Variants in MAGI2 observed in about 807,000 individuals in gnomAD.
MAGI2 encodes the protein membrane associated guanylate kinase, WW and PDZ domain containing 2.
In MAGI2, 35 loss-of-function variants were observed where a neutral mutation model predicts 133.3. The observed-to-expected ratio is 0.26, with a 90% CI of 0.20 to 0.35. The LOEUF is 0.35. Ranked by LOEUF, MAGI2 falls within the 10% of genes least tolerant of loss-of-function variation. The probability of loss-of-function intolerance (pLI) is 1.00; values close to 1 mark genes in which losing one functional copy is unlikely to be tolerated. For synonymous variants in MAGI2, 729 were observed against 710.6 expected, an observed-to-expected ratio of 1.03 and a Z score of -0.41; for missense variants, 1,636 against 1,863.4, an observed-to-expected ratio of 0.88 and a Z score of 2.25.
At chr7:78,612,692 C>CG (rs1421392124) in intron 3 of MAGI2, among the ~76,000 whole-genome samples, 1 of 151,420 alleles carries the variant, frequency 6.6e-6, no homozygotes, top group East Asian at 1.9e-4. Context: ...TTTTTTGAGG[C>CG]GGGGTCTCGC....
chr7:78,420,057 T>C (rs1184892838), intron 6 of MAGI2, among the ~76,000 whole-genome samples: 1 of 152,148 alleles, frequency 6.6e-6, no homozygotes, highest in Non-Finnish European at 1.5e-5. Context: ...ATTCAAACCT[T>C]TTTGAGTTTC....
At chr7:78,963,325 T>A (rs570597763) in intron 2 of MAGI2, among the ~76,000 whole-genome samples, 1 of 152,246 alleles carries the variant, frequency 6.6e-6, no homozygotes, top group East Asian at 1.9e-4. Flanking sequence ...AAGCACTTTA[T>A]CTGGCAAGCT....
chr7:79,199,157 T>G (rs1307725182), intron 1 of MAGI2, among the ~76,000 whole-genome samples: 1 of 152,078 alleles, frequency 6.6e-6, no homozygotes, highest in Non-Finnish European at 1.5e-5. Flanking sequence ...TTATTACATG[T>G]AAAACATTTT....
At chr7:78,088,994 G>A (rs868597108) in intron 20 of MAGI2, among the ~76,000 whole-genome samples, 1 of 152,160 alleles carries the variant, frequency 6.6e-6, no homozygotes, top group Non-Finnish European at 1.5e-5. Context: ...TAAGCTGCTG[G>A]CTTTGAAGAT....
chr7:78,979,527 C>A (rs762104691), intron 2 of MAGI2, among the ~76,000 whole-genome samples: 6 of 151,938 alleles, frequency 3.9e-5, no homozygotes, highest in Non-Finnish European at 8.8e-5. Flanking sequence ...GGTTTCACTT[C>A]CCTACCAGCT....
intron 9 of MAGI2, among the ~76,000 whole-genome samples, chr7:78,301,764 G>T (rs1302075698): frequency 6.6e-6 from 1 of 152,120 alleles, no homozygotes; most frequent in Non-Finnish European, 1.5e-5. Flanking sequence ...TTCAAAAATT[G>T]CAATTCATTT....
At chr7:79,081,753 C>A (rs981873351) in intron 1 of MAGI2, among the ~76,000 whole-genome samples, 2 of 151,998 alleles carry the variant, frequency 1.3e-5, no homozygotes, top group Non-Finnish European at 2.9e-5. Flanking sequence ...TTATGTAACT[C>A]ATATCAGAAC....
intron 9 of MAGI2, among the ~76,000 whole-genome samples, chr7:78,321,427 G>T (rs1787993611): frequency 6.6e-6 from 1 of 152,108 alleles, no homozygotes; most frequent in Non-Finnish European, 1.5e-5. Flanking sequence ...CAGAGATATA[G>T]ACCAGTGGAA....
chr7:78,667,200 A>G (rs1230916208), intron 2 of MAGI2, among the ~76,000 whole-genome samples: 2 of 151,982 alleles, frequency 1.3e-5, no homozygotes, highest in Non-Finnish European at 2.9e-5. Flanking sequence ...TCTTCTTCAC[A>G]ACACAGATCT....
chr7:78,256,892 T>C (rs553930620), intron 9 of MAGI2, among the ~76,000 whole-genome samples: 5 of 152,238 alleles, frequency 3.3e-5, no homozygotes, highest in Non-Finnish European at 7.3e-5. Flanking sequence ...ACATTCTCTA[T>C]GCTTCTTTTT....
chr7:79,151,580 A>G (rs751645194), intron 1 of MAGI2, among the ~76,000 whole-genome samples: 7 of 151,944 alleles, frequency 4.6e-5, no homozygotes, highest in Non-Finnish European at 5.9e-5. Flanking sequence ...GACTGAGTAT[A>G]CATTAGAAAT....
intron 9 of MAGI2, among the ~76,000 whole-genome samples, chr7:78,335,144 A>G (rs1789622674): frequency 6.6e-6 from 1 of 152,180 alleles, no homozygotes; most frequent in Non-Finnish European, 1.5e-5. Context: ...ATTTACTAAT[A>G]TTTGACCCTT....
chr7:79,385,608 T>A (rs1306584334), intron 1 of MAGI2, among the ~76,000 whole-genome samples: 1 of 151,652 alleles, frequency 6.6e-6, no homozygotes, highest in African/African-American at 2.4e-5. Flanking sequence ...ATTCCACATA[T>A]AAGTGAGATC....
chr7:79,303,884 C>A (rs4445162), intron 1 of MAGI2, among the ~76,000 whole-genome samples: 57,398 of 151,914 alleles, frequency 0.38, 12,012 homozygotes, highest in African/African-American at 0.54. Flanking sequence ...TAATGTGTTG[C>A]TAGATCATAT....
chr7:78,401,182 A>C (rs1391842861), intron 6 of MAGI2, among the ~76,000 whole-genome samples: 4 of 130,342 alleles, frequency 3.1e-5, no homozygotes, highest in South Asian at 2.4e-4. Flanking sequence ...AACACCACCA[A>C]CAACCAAAAA....
At chr7:78,463,279 T>G (rs1558697) in intron 6 of MAGI2, among the ~76,000 whole-genome samples, 88,880 of 152,000 alleles carry the variant, frequency 0.58, 27,970 homozygotes, top group Middle Eastern at 0.8. Context: ...AGCACTGCCG[T>G]GACAGAAAAG....
At chr7:78,310,812 T>C (rs1033281164) in intron 9 of MAGI2, among the ~76,000 whole-genome samples, 3 of 152,206 alleles carry the variant, frequency 2.0e-5, no homozygotes, top group Non-Finnish European at 2.9e-5. Flanking sequence ...CTTGAAAGCA[T>C]AAGCTATTTT....
chr7:78,053,616 T>C (rs1207531389), intron 21 of MAGI2, among the ~76,000 whole-genome samples: 5 of 152,254 alleles, frequency 3.3e-5, no homozygotes, highest in African/African-American at 9.6e-5. Flanking sequence ...TTATTTTCTC[T>C]TCTGAGGTCT....
chr7:78,097,473 C>T (rs1304309424), intron 20 of MAGI2, among the ~76,000 whole-genome samples: 1 of 152,116 alleles, frequency 6.6e-6, no homozygotes, highest in Non-Finnish European at 1.5e-5. Flanking sequence ...CCGTGGAATA[C>T]CATGCAGCCA....
Sources: allele counts gnomAD v4.1 joint callset (sites outside exome capture counted in the v4.1 genomes callset), GRCh38; gene constraint gnomAD v4.1.1; transcripts MANE v1.5; gene names NCBI Gene and HGNC (gene_info 2026-07-23, HGNC 2026-07-21).